The following LRP1B variants were observed in gnomAD, a reference collection of about 807,000 sequenced individuals.
LRP1B encodes the protein low-density lipoprotein receptor-related protein 1B.
A neutral mutation model predicts 556.6 loss-of-function variants in LRP1B; 217 were observed. The ratio of observed to expected loss-of-function variants is 0.39; its 90% CI spans 0.35 to 0.44. The LOEUF (loss-of-function observed/expected upper bound fraction) is 0.44, where lower values mean the gene tolerates loss of function less well. LRP1B is among the 20% of genes least tolerant of loss of function. The pLI is 1.00. For synonymous variants in LRP1B, 2,047 were observed against 1,865.8 expected (o/e 1.10, Z -2.50); for missense variants, 5,053 against 5,620.8 (o/e 0.90, Z 3.23).
chr2:140,971,919 T>C (rs1306523984), intron 18 of LRP1B, among the ~76,000 whole-genome samples: 1 of 152,240 alleles, frequency 6.6e-6, no homozygotes, highest in African/African-American at 2.4e-5. Flanking sequence ...TGAAAATCTT[T>C]GAGGGAGGCA....
chr2:141,000,279 C>T (rs909255124), intron 15 of LRP1B, among the ~76,000 whole-genome samples: 1 of 151,986 alleles, frequency 6.6e-6, no homozygotes, highest in African/African-American at 2.4e-5. Context: ...TGTCCTCTCC[C>T]ACCATGATAT....
intron 7 of LRP1B, among the ~76,000 whole-genome samples, chr2:141,148,945 G>A (rs992977053): frequency 1.3e-5 from 2 of 152,028 alleles, no homozygotes; most frequent in Non-Finnish European, 2.9e-5. Context: ...AGTTAGCTGG[G>A]CATGGTGGTG....
At chr2:140,744,246 T>C (rs534132852) in intron 35 of LRP1B, among the ~76,000 whole-genome samples, 250 of 152,252 alleles carry the variant, frequency 1.6e-3, no homozygotes, top group Non-Finnish European at 3.0e-3. Flanking sequence ...TACCATTGCA[T>C]TGTATACCTC....
At chr2:141,335,833 C>T (rs1026261732) in intron 3 of LRP1B, among the ~76,000 whole-genome samples, 4 of 151,878 alleles carry the variant, frequency 2.6e-5, no homozygotes, top group Admixed American at 1.3e-4. Flanking sequence ...TGTGTATACA[C>T]CTGTGTATTA....
At chr2:141,057,428 T>C (rs1004010902) in intron 9 of LRP1B, among the ~76,000 whole-genome samples, 10 of 151,936 alleles carry the variant, frequency 6.6e-5, no homozygotes, top group African/African-American at 1.9e-4. Context: ...TCCCACCACC[T>C]GCAATGTTGT....
intron 3 of LRP1B, among the ~76,000 whole-genome samples, chr2:141,381,710 CT>C (rs1689649414): frequency 6.6e-6 from 1 of 152,086 alleles, no homozygotes; most frequent in Non-Finnish European, 1.5e-5. Flanking sequence ...CAGAAACCTT[CT>C]TGGCCTGAAG....
rs2105117935 is a variant in LRP1B at position 140,850,227 on chromosome 2, A to G, written c.4814T>C (p.Ile1605Thr). 6.2e-7 allele frequency: 1 copy of G among 1,612,928 alleles called. No homozygotes were observed. The highest frequency in any genetic ancestry group is 8.5e-7 in the Non-Finnish European group (1 of 1,178,948). Reference protein sequence around the residue: ...NFITAFTVPDIDDVTVIDFDA... With the variant: ...NFITAFTVPDTDDVTVIDFDA... ...GAAGTCTATCACAGTAACGTCATCA[A>G]TATCAGGGACTGTAAATGCCGTGAT... Residue 1605 changes from isoleucine (I) to threonine (T), a missense_variant, in exon 29 of 91, where the codon ATT becomes ACT. By Grantham distance (89) the Ile-to-Thr change is moderately conservative. Around this residue, in one of 5 missense-constraint regions of LRP1B, gnomAD observed 3,619 missense variants for 3,931.9 expected, o/e 0.92. Coordinates refer to ENST00000389484, the MANE Select transcript of LRP1B (RefSeq NM_018557.3).
chr2:140,536,543 C>T, intron 46 of LRP1B, 38 bp downstream of exon 46: 1 of 1,576,760 alleles, frequency 6.3e-7, no homozygotes, highest in South Asian at 1.2e-5. Context: ...AATCAGAAAA[C>T]TTTATCTGAA....
chr2:141,685,297 A>C (rs1022193524), intron 2 of LRP1B, among the ~76,000 whole-genome samples: 8 of 152,172 alleles, frequency 5.3e-5, no homozygotes, highest in African/African-American at 1.9e-4. Context: ...GAATTATATG[A>C]TTTAGATGAT....
chr2:140,563,092 A>G, intron 43 of LRP1B, among the ~76,000 whole-genome samples: 1 of 152,138 alleles, frequency 6.6e-6, no homozygotes, highest in East Asian at 1.9e-4. Flanking sequence ...ATTAAACACT[A>G]AGTTACAGAA....
chr2:140,567,486 G>T (rs1208627660), intron 43 of LRP1B, among the ~76,000 whole-genome samples: 1 of 152,142 alleles, frequency 6.6e-6, no homozygotes, highest in East Asian at 1.9e-4. Flanking sequence ...GTGCCCACAG[G>T]GGCAGAATCA....
chr2:141,591,402 G>C (rs1188419393), intron 2 of LRP1B, among the ~76,000 whole-genome samples: 1 of 144,538 alleles, frequency 6.9e-6, no homozygotes, highest in Non-Finnish European at 1.5e-5. Context: ...TGGGCCAAGT[G>C]CTGACCAGGC....
chr2:141,599,053 GCCCCCC>G (rs1687634272), intron 2 of LRP1B, among the ~76,000 whole-genome samples: 2 of 10,022 alleles, frequency 2.0e-4, no homozygotes, highest in Non-Finnish European at 3.3e-4. Flanking sequence ...ACTCCCCCCC[GCCCCCC>G]CCCCCCCCCC....
chr2:141,615,711 C>T (rs1221312683), intron 2 of LRP1B, among the ~76,000 whole-genome samples: 1 of 152,130 alleles, frequency 6.6e-6, no homozygotes, highest in Non-Finnish European at 1.5e-5. Context: ...GAAACTCTCA[C>T]TTAACTTCCC....
chr2:140,570,877 T>C (rs1479197588), intron 43 of LRP1B, among the ~76,000 whole-genome samples: 1 of 151,870 alleles, frequency 6.6e-6, no homozygotes, highest in Non-Finnish European at 1.5e-5. Context: ...TGCAAATCAA[T>C]AAATGTGATA....
chr2:141,879,748 G>A (rs573565700), intron 1 of LRP1B, among the ~76,000 whole-genome samples: 1 of 151,830 alleles, frequency 6.6e-6, no homozygotes, highest in Non-Finnish European at 1.5e-5. Flanking sequence ...CAAAAAACTT[G>A]TCTTGCCAAT....
chr2:141,104,195 T>C (rs1700546121), intron 7 of LRP1B, among the ~76,000 whole-genome samples: 1 of 152,092 alleles, frequency 6.6e-6, no homozygotes, highest in South Asian at 2.1e-4. Context: ...CATGTGGTAT[T>C]TGGTTTCCTA....
intron 1 of LRP1B, among the ~76,000 whole-genome samples, chr2:141,875,060 TTATAA>T (rs1183122785): frequency 4.0e-5 from 6 of 151,874 alleles, no homozygotes; most frequent in Non-Finnish European, 7.4e-5. Context: ...TAGAAAATAT[TTATAA>T]TATGTCATTT....
At chr2:140,774,229 T>G (rs12691561) in intron 33 of LRP1B, among the ~76,000 whole-genome samples, 51,393 of 151,868 alleles carry the variant, frequency 0.34, 8,731 homozygotes, top group East Asian at 0.4. Flanking sequence ...AAAATGGTAT[T>G]TTCATTGCTT....
Sources: allele counts gnomAD v4.1 joint callset (sites outside exome capture counted in the v4.1 genomes callset), GRCh38; gene constraint gnomAD v4.1.1; regional missense constraint gnomAD v4.1.1; transcripts MANE v1.5; gene names NCBI Gene and HGNC (gene_info 2026-07-23, HGNC 2026-07-21).